LRMDA: variants seen among roughly 807,000 people sequenced by gnomAD.
LRMDA encodes leucine rich melanocyte differentiation associated.
LRMDA carries 18 observed loss-of-function variants against 29.8 expected under a neutral mutation model. That is an observed-to-expected ratio of 0.60 (90% CI 0.42 to 0.90). The LOEUF (loss-of-function observed/expected upper bound fraction) is 0.90, where lower values mean the gene tolerates loss of function less well. LRMDA is among the 40% of genes least tolerant of loss of function. The pLI is 0.00. For missense variants in LRMDA, 273 were observed against 273.9 expected (o/e 1.00, Z 0.02); for synonymous variants, 125 against 109.4 (o/e 1.14, Z -0.89).
At chr10:76,298,816 G>A (rs1448226016) in intron 5 of LRMDA, among the ~76,000 whole-genome samples, 1 of 152,140 alleles carries the variant, frequency 6.6e-6, no homozygotes, top group African/African-American at 2.4e-5. Flanking sequence ...ATGATGGAAG[G>A]TCCAATGGAT....
intron 5 of LRMDA, among the ~76,000 whole-genome samples, chr10:76,191,815 C>T (rs567732550): frequency 5.3e-5 from 8 of 152,300 alleles, no homozygotes; most frequent in Middle Eastern, 3.4e-3. Context: ...ATGTATCCAA[C>T]TTACTTCCAA....
At chr10:76,314,663 T>C (rs1564720932) in intron 5 of LRMDA, among the ~76,000 whole-genome samples, 1 of 152,226 alleles carries the variant, frequency 6.6e-6, no homozygotes, top group East Asian at 1.9e-4. Flanking sequence ...AGGAGTCTTG[T>C]TAAATAAGGT....
chr10:76,202,571 C>T (rs944367964), intron 5 of LRMDA, among the ~76,000 whole-genome samples: 3 of 151,974 alleles, frequency 2.0e-5, no homozygotes, highest in Admixed American at 1.3e-4. Flanking sequence ...TGTGTGTTCA[C>T]CAAAATGAAG....
chr10:76,321,494 AT>A (rs1840769793), intron 5 of LRMDA, among the ~76,000 whole-genome samples: 1 of 146,530 alleles, frequency 6.8e-6, no homozygotes, highest in African/African-American at 2.5e-5. Flanking sequence ...ATTTCCAGAC[AT>A]TTCCTTTGTC....
chr10:76,533,743 G>A (rs1212773185), intron 6 of LRMDA, among the ~76,000 whole-genome samples: 1 of 152,170 alleles, frequency 6.6e-6, no homozygotes, highest in African/African-American at 2.4e-5. Context: ...TTAGGTAAAG[G>A]CTGGATGGCT....
chr10:76,244,152 C>T (rs1220116123), intron 5 of LRMDA, among the ~76,000 whole-genome samples: 1 of 152,090 alleles, frequency 6.6e-6, no homozygotes, highest in African/African-American at 2.4e-5. Flanking sequence ...TGACTTTGGG[C>T]TAGACTCTTA....
chr10:75,767,768 A>G lies in LRMDA; in HGVS notation c.132-268240A>G, dbSNP rs781018748. 4.3e-4 allele frequency among the ~76,000 whole-genome samples: 65 copies of G among 152,206 alleles called. 2 individuals are homozygous for G. Among genetic ancestry groups the G allele is most frequent in the Non-Finnish European group, 7.3e-5 (5 of 68,038 alleles). On this transcript the variant is annotated intron_variant, in intron 2 of 6. Transcript: ENST00000611255. ...GTCAGGTCCTAACCCCTGGAACAGT[A>G]AGTGTTACCTAACCTGGCAATGTAT...
At chr10:76,364,946 A>G (rs1405506461) in intron 6 of LRMDA, among the ~76,000 whole-genome samples, 3 of 151,500 alleles carry the variant, frequency 2.0e-5, no homozygotes, top group African/African-American at 4.8e-5. Flanking sequence ...GAGAACATAC[A>G]ATGTTTGGTT....
intron 2 of LRMDA, among the ~76,000 whole-genome samples, chr10:75,868,126 T>C (rs1454303665): frequency 6.6e-6 from 1 of 152,224 alleles, no homozygotes; most frequent in Non-Finnish European, 1.5e-5. Flanking sequence ...TTGCTCTGTC[T>C]TGTTATTTTC....
At chr10:75,587,347 T>A (rs774461805) in intron 2 of LRMDA, among the ~76,000 whole-genome samples, 3 of 152,188 alleles carry the variant, frequency 2.0e-5, no homozygotes, top group Non-Finnish European at 2.9e-5. Flanking sequence ...TTGTTTTTGT[T>A]TTTGTTTTTT....
At chr10:76,209,627 A>G (rs1024792328) in intron 5 of LRMDA, among the ~76,000 whole-genome samples, 1 of 152,118 alleles carries the variant, frequency 6.6e-6, no homozygotes, top group African/African-American at 2.4e-5. Flanking sequence ...CAAGATAAGG[A>G]TTTGATCTCT....
chr10:75,722,431 G>T (rs2132188906), intron 2 of LRMDA, among the ~76,000 whole-genome samples: 1 of 152,200 alleles, frequency 6.6e-6, no homozygotes, highest in African/African-American at 2.4e-5. Flanking sequence ...ATAATAGAAA[G>T]ATTCAGAGTA....
At chr10:76,205,065 C>T (rs578172070) in intron 5 of LRMDA, among the ~76,000 whole-genome samples, 91 of 152,272 alleles carry the variant, frequency 6.0e-4, no homozygotes, top group Non-Finnish European at 7.6e-4. Flanking sequence ...AGGCCCCTAG[C>T]AACCGTGGGA....
intron 6 of LRMDA, among the ~76,000 whole-genome samples, chr10:76,453,658 T>C (rs2132301826): frequency 6.6e-6 from 1 of 152,346 alleles, no homozygotes; most frequent in African/African-American, 2.4e-5. Context: ...CATTAATTTA[T>C]GCATTCATAT....
chr10:76,111,030 TTTG>T (rs1244776687), intron 5 of LRMDA, among the ~76,000 whole-genome samples: 1 of 152,110 alleles, frequency 6.6e-6, no homozygotes, highest in Non-Finnish European at 1.5e-5. Context: ...CTTTGTTCAT[TTTG>T]TTTTTTTTTC....
chr10:75,888,858 G>A (rs1301328349), intron 2 of LRMDA, among the ~76,000 whole-genome samples: 2 of 152,128 alleles, frequency 1.3e-5, no homozygotes, highest in African/African-American at 4.8e-5. Flanking sequence ...ACAAGATTCT[G>A]GTAATTACTA....
At chr10:75,522,151 A>G (rs572223394) in intron 2 of LRMDA, among the ~76,000 whole-genome samples, 1 of 152,356 alleles carries the variant, frequency 6.6e-6, no homozygotes, top group East Asian at 1.9e-4. Flanking sequence ...TATGCCCTTC[A>G]CATGTATTAA....
intron 2 of LRMDA, among the ~76,000 whole-genome samples, chr10:75,812,427 T>G (rs1179665829): frequency 6.6e-6 from 1 of 152,086 alleles, no homozygotes; most frequent in East Asian, 1.9e-4. Context: ...AATATATATA[T>G]TTAGAGATTT....
At chr10:76,381,844 G>A (rs1213745004) in intron 6 of LRMDA, among the ~76,000 whole-genome samples, 1 of 152,188 alleles carries the variant, frequency 6.6e-6, no homozygotes, top group East Asian at 1.9e-4. Context: ...GGATTGAGAA[G>A]TAGAGATCAT....
Sources: allele counts gnomAD v4.1 joint callset (sites outside exome capture counted in the v4.1 genomes callset), GRCh38; gene constraint gnomAD v4.1.1; transcripts MANE v1.5; gene names NCBI Gene and HGNC (gene_info 2026-07-23, HGNC 2026-07-21).